IGSF11: variants seen among roughly 807,000 people sequenced by gnomAD.
IGSF11 encodes CXADR like 1.
Under a neutral mutation model 41.0 loss-of-function variants are expected in IGSF11, and 22 were observed. The ratio of observed to expected loss-of-function variants is 0.54; its 90% CI spans 0.38 to 0.77. IGSF11 has a LOEUF of 0.77. Among genes scored for constraint, IGSF11 ranks in the 30% least tolerant of loss-of-function variants. The probability of loss-of-function intolerance (pLI) is 0.00; values close to 1 mark genes in which losing one functional copy is unlikely to be tolerated. For synonymous variants in IGSF11, 219 were observed against 201.3 expected (o/e 1.09, Z -0.74); for missense variants, 444 against 530.8 (o/e 0.84, Z 1.61).
intron 1 of IGSF11, among the ~76,000 whole-genome samples, chr3:119,003,590 G>A (rs1332092957): frequency 1.3e-5 from 2 of 151,142 alleles, no homozygotes; most frequent in Non-Finnish European, 2.9e-5. Flanking sequence ...TATGATATTG[G>A]CTGTGGGTTT....
intron 1 of IGSF11, among the ~76,000 whole-genome samples, chr3:119,066,240 T>C (rs975629320): frequency 6.6e-6 from 1 of 152,206 alleles, no homozygotes; most frequent in Non-Finnish European, 1.5e-5. Flanking sequence ...AAGATCCTTT[T>C]TCCAAACAAG....
At chr3:118,909,131 T>G (rs540744692) in intron 4 of IGSF11, among the ~76,000 whole-genome samples, 1 of 152,234 alleles carries the variant, frequency 6.6e-6, no homozygotes, top group Non-Finnish European at 1.5e-5. Flanking sequence ...AAATGTCTAG[T>G]GTCTCCCAAT....
At chr3:119,092,257 C>A (rs2076775194) in intron 1 of IGSF11, among the ~76,000 whole-genome samples, 1 of 151,964 alleles carries the variant, frequency 6.6e-6, no homozygotes, top group Non-Finnish European at 1.5e-5. Flanking sequence ...TTATAGTAAG[C>A]TAAGATTAAA....
intron 1 of IGSF11, among the ~76,000 whole-genome samples, chr3:118,967,517 C>A (rs1158233877): frequency 1.3e-5 from 2 of 152,110 alleles, no homozygotes; most frequent in African/African-American, 4.8e-5. Context: ...GCCTCCATCT[C>A]CTGCTATTCT....
intron 4 of IGSF11, 39 bp downstream of exon 4, chr3:118,926,062 T>C (rs757403048): frequency 7.2e-7 from 1 of 1,384,056 alleles, no homozygotes; most frequent in South Asian, 1.7e-5. Flanking sequence ...GAATTGTCCA[T>C]GATAACTAAT....
intron 4 of IGSF11, 63 bp from the exon 5 acceptor site, chr3:118,905,781 A>G: frequency 1.9e-6 from 3 of 1,587,540 alleles, no homozygotes; most frequent in Non-Finnish European, 1.7e-6. Flanking sequence ...CAAAGAAATC[A>G]GCGGAAGACC....
At chr3:118,922,638 C>T (rs1941921257) in intron 4 of IGSF11, among the ~76,000 whole-genome samples, 1 of 152,062 alleles carries the variant, frequency 6.6e-6, no homozygotes. Flanking sequence ...ACCAGTTCAA[C>T]TATTTTAGAC....
chr3:119,146,004 T>C (rs2077719598), exon 1 of IGSF11: 1 of 592,474 alleles, frequency 1.7e-6, no homozygotes, highest in Non-Finnish European at 3.0e-6. Flanking sequence ...GCCTGCACAC[T>C]GCAGGGTCAG....
intron 1 of IGSF11, among the ~76,000 whole-genome samples, chr3:119,134,740 A>G (rs1379709487): frequency 1.3e-5 from 2 of 152,214 alleles, no homozygotes; most frequent in African/African-American, 4.8e-5. Flanking sequence ...AAAAGAGTCC[A>G]CATAGCCAAG....
intron 1 of IGSF11, among the ~76,000 whole-genome samples, chr3:119,091,334 C>G (rs1018324221): frequency 2.0e-5 from 3 of 152,160 alleles, no homozygotes; most frequent in Non-Finnish European, 4.4e-5. Flanking sequence ...ACCATTTGAC[C>G]CAGCAATCCT....
At chr3:119,034,974 G>A (rs1196433288), upstream of IGSF11, 2 of 404,496 alleles carry the variant, frequency 4.9e-6, no homozygotes, top group Non-Finnish European at 6.8e-6. Context: ...CGCGGCTCCA[G>A]CGCGACGCCT....
At chr3:119,139,131 T>C (rs916026380) in intron 1 of IGSF11, among the ~76,000 whole-genome samples, 1 of 152,108 alleles carries the variant, frequency 6.6e-6, no homozygotes, top group Non-Finnish European at 1.5e-5. Context: ...ATTTAACCCA[T>C]AGATATATAC....
chr3:118,950,408 A>G (rs535170034), intron 1 of IGSF11, among the ~76,000 whole-genome samples: 1 of 152,266 alleles, frequency 6.6e-6, no homozygotes, highest in East Asian at 1.9e-4. Flanking sequence ...GTGATAGCAA[A>G]TGTTGATTGC....
chr3:118,912,004 CAG>C lies in IGSF11; in HGVS notation c.581-6288_581-6287del, dbSNP rs1442472728. Reference sequence around the variant, plus strand: ...TTAAATTATGAAAGGATGAGGAAAACAGAGGATTTCTTACAAACCATGAAAGA... The same window carrying C: ...TTAAATTATGAAAGGATGAGGAAAACAGGATTTCTTACAAACCATGAAAGA... On this transcript the variant is annotated intron_variant, in intron 4 of 6. Coordinates refer to ENST00000393775, the MANE Select transcript of IGSF11 (RefSeq NM_001015887.3). Among the ~76,000 whole-genome samples, 4 of 152,084 alleles carry C rather than the reference CAG, an allele frequency of 2.6e-5. No individual in the cohort carries two copies. In the South Asian group the frequency reaches 6.2e-4, roughly 24 times the overall value.
At chr3:118,963,351 A>C (rs1352680098) in intron 1 of IGSF11, among the ~76,000 whole-genome samples, 3 of 152,212 alleles carry the variant, frequency 2.0e-5, no homozygotes, top group African/African-American at 4.8e-5. Flanking sequence ...TGACAATAGG[A>C]TGTGAAATCA....
intron 1 of IGSF11, among the ~76,000 whole-genome samples, chr3:118,973,623 C>T (rs1933707097): frequency 6.6e-6 from 1 of 151,958 alleles, no homozygotes; most frequent in Admixed American, 6.6e-5. Flanking sequence ...CTATAAAAAA[C>T]TATGCTAAGT....
intron 1 of IGSF11, among the ~76,000 whole-genome samples, chr3:119,070,678 T>C (rs188286320): frequency 6.6e-6 from 1 of 152,302 alleles, no homozygotes; most frequent in East Asian, 1.9e-4. Context: ...TTTGGGGTTT[T>C]GAATTTTTTT....
intron 1 of IGSF11, among the ~76,000 whole-genome samples, chr3:119,003,617 AT>A (rs1186264211): frequency 6.6e-6 from 1 of 151,530 alleles, no homozygotes; most frequent in Non-Finnish European, 1.5e-5. Flanking sequence ...GATAGCTCTT[AT>A]TATTTTGAAA....
intron 1 of IGSF11, among the ~76,000 whole-genome samples, chr3:118,972,890 TA>T (rs1933606677): frequency 6.6e-6 from 1 of 152,068 alleles, no homozygotes; most frequent in East Asian, 1.9e-4. Context: ...CATAAATGAA[TA>T]GAGTTGGAGT....
Sources: allele counts gnomAD v4.1 joint callset (sites outside exome capture counted in the v4.1 genomes callset), GRCh38; gene constraint gnomAD v4.1.1; transcripts MANE v1.5; gene names NCBI Gene and HGNC (gene_info 2026-07-23, HGNC 2026-07-21).